Variants in ATF7IP observed in about 807,000 individuals in gnomAD.
ATF7IP encodes the protein activating transcription factor 7-interacting protein 1.
In ATF7IP, 23 loss-of-function variants were observed where a neutral mutation model predicts 106.4. That is an observed-to-expected ratio of 0.22 (90% CI 0.16 to 0.31). The LOEUF (loss-of-function observed/expected upper bound fraction) is 0.31. Among genes scored for constraint, ATF7IP ranks in the 10% least tolerant of loss-of-function variants. The probability of loss-of-function intolerance (pLI) is 1.00; values close to 1 mark genes in which losing one functional copy is unlikely to be tolerated. For missense variants in ATF7IP, 1,334 were observed against 1,524.3 expected, an observed-to-expected ratio of 0.88 and a Z score of 2.08; for synonymous variants, 542 against 539.0, an observed-to-expected ratio of 1.01 and a Z score of -0.08.
intron 10 of ATF7IP, among the ~76,000 whole-genome samples, chr12:14,475,153 T>C (rs892374989): frequency 6.6e-6 from 1 of 152,194 alleles, no homozygotes; most frequent in Admixed American, 6.5e-5. Flanking sequence ...GTATCATATA[T>C]GGTGTTAAGC....
chr12:14,484,419 A>G (rs1034769517), intron 13 of ATF7IP, among the ~76,000 whole-genome samples: 1 of 152,212 alleles, frequency 6.6e-6, no homozygotes, highest in African/African-American at 2.4e-5. Context: ...AAATATCTTC[A>G]TAGTTTTTGT....
intron 1 of ATF7IP, among the ~76,000 whole-genome samples, chr12:14,410,719 C>A (rs1188983205): frequency 6.6e-6 from 1 of 151,980 alleles, no homozygotes; most frequent in Non-Finnish European, 1.5e-5. Context: ...TTGTCAATCT[C>A]TTACTGTTCC....
At chr12:14,380,861 C>T (rs921870454) in intron 1 of ATF7IP, among the ~76,000 whole-genome samples, 1 of 152,168 alleles carries the variant, frequency 6.6e-6, no homozygotes, top group Admixed American at 6.5e-5. Flanking sequence ...TTCAGGTGAT[C>T]CACCTCCCTT....
At chr12:14,375,997 C>T (rs1032825665) in intron 1 of ATF7IP, among the ~76,000 whole-genome samples, 5 of 152,090 alleles carry the variant, frequency 3.3e-5, no homozygotes, top group African/African-American at 1.2e-4. Context: ...AAGTAGTTTA[C>T]TTGTAAAGGT....
chr12:14,416,860 G>T, intron 1 of ATF7IP: 1 of 941,542 alleles, frequency 1.1e-6, no homozygotes, highest in Non-Finnish European at 1.3e-6. Context: ...TCTCTCACAG[G>T]ACTGAAACAT....
chr12:14,397,782 T>G (rs1939935919), intron 1 of ATF7IP, among the ~76,000 whole-genome samples: 1 of 152,150 alleles, frequency 6.6e-6, no homozygotes, highest in South Asian at 2.1e-4. Flanking sequence ...CAGAGCATTC[T>G]TTAGCATGGT....
At chr12:14,380,524 C>G (rs571927803) in intron 1 of ATF7IP, among the ~76,000 whole-genome samples, 1 of 152,232 alleles carries the variant, frequency 6.6e-6, no homozygotes, top group South Asian at 2.1e-4. Flanking sequence ...GAAATAGGCT[C>G]TGATTGCCAG....
At chr12:14,453,302 C>T (rs933116956) in intron 6 of ATF7IP, among the ~76,000 whole-genome samples, 1 of 152,192 alleles carries the variant, frequency 6.6e-6, no homozygotes, top group Non-Finnish European at 1.5e-5. Context: ...TCTTCCTTTA[C>T]TTCCCTTATG....
chr12:14,433,748 G>T (rs748172318), intron 2 of ATF7IP, among the ~76,000 whole-genome samples: 28 of 152,206 alleles, frequency 1.8e-4, no homozygotes, highest in South Asian at 1.5e-3. Context: ...ACAGTTTACA[G>T]TGTGAGATTA....
chr12:14,438,317 A>C (rs752888010), intron 5 of ATF7IP, 50 bp downstream of exon 5: 3 of 1,454,312 alleles, frequency 2.1e-6, no homozygotes, highest in Non-Finnish European at 2.8e-6. Flanking sequence ...TGTTTTTATA[A>C]CTTATTTTCT....
At chr12:14,390,990 A>G (rs960484007) in intron 1 of ATF7IP, among the ~76,000 whole-genome samples, 1 of 152,236 alleles carries the variant, frequency 6.6e-6, no homozygotes, top group Non-Finnish European at 1.5e-5. Context: ...TTAGAGTTCA[A>G]CTTTAGAGAA....
chr12:14,443,251 C>A (rs995116445), intron 5 of ATF7IP, among the ~76,000 whole-genome samples: 1 of 152,226 alleles, frequency 6.6e-6, no homozygotes, highest in East Asian at 1.9e-4. Flanking sequence ...GAAAGCTTTG[C>A]CAGATAATTC....
chr12:14,416,896 C>T, intron 1 of ATF7IP: 2 of 984,840 alleles, frequency 2.0e-6, no homozygotes, highest in Non-Finnish European at 2.4e-6. Flanking sequence ...TATATTTTTC[C>T]TGTGGGGAGA....
chr12:14,486,192 A>T (rs775211536), intron 13 of ATF7IP, among the ~76,000 whole-genome samples: 28 of 152,290 alleles, frequency 1.8e-4, no homozygotes, highest in Non-Finnish European at 3.7e-4. Flanking sequence ...TGTAAGTCAG[A>T]CCTGAGATAA....
chr12:14,462,044 T>C (rs1048982007), intron 9 of ATF7IP, among the ~76,000 whole-genome samples: 1 of 152,148 alleles, frequency 6.6e-6, no homozygotes, highest in Non-Finnish European at 1.5e-5. Context: ...TTTTCTCATA[T>C]AAAACAATGA....
At chr12:14,386,527 A>G (rs956269761) in intron 1 of ATF7IP, among the ~76,000 whole-genome samples, 1 of 152,132 alleles carries the variant, frequency 6.6e-6, no homozygotes, top group Non-Finnish European at 1.5e-5. Context: ...AAAAACAGAA[A>G]CTTTTTGCAT....
chr12:14,386,906 T>C (rs1786351504), intron 1 of ATF7IP, among the ~76,000 whole-genome samples: 1 of 152,196 alleles, frequency 6.6e-6, no homozygotes, highest in South Asian at 2.1e-4. Flanking sequence ...AAGATCTATA[T>C]GTACATGACT....
intron 2 of ATF7IP, among the ~76,000 whole-genome samples, chr12:14,426,420 C>A (rs1259253547): frequency 2.0e-5 from 3 of 151,044 alleles, no homozygotes; most frequent in Admixed American, 1.3e-4. Flanking sequence ...CATCTAATTT[C>A]TTCAAAGAAA....
At chr12:14,497,369 C>A (rs942428990) in intron 14 of ATF7IP, among the ~76,000 whole-genome samples, 2 of 152,132 alleles carry the variant, frequency 1.3e-5, no homozygotes, top group African/African-American at 4.8e-5. Context: ...CCGTGTTCCT[C>A]AAAATGATGT....
Sources: allele counts gnomAD v4.1 joint callset (sites outside exome capture counted in the v4.1 genomes callset), GRCh38; gene constraint gnomAD v4.1.1; transcripts MANE v1.5; gene names NCBI Gene and HGNC (gene_info 2026-07-23, HGNC 2026-07-21).